Variants in SLC75A1 observed in about 807,000 individuals in gnomAD.
SLC75A1 encodes major facilitator superfamily domain containing 10.
At chr4:2,931,586 T>TA in the SLC75A1 span, 1 of 1,613,054 alleles carries the variant, frequency 6.2e-7, no homozygotes, top group Non-Finnish European at 8.5e-7. Context: ...CCCGCCAGGG[T>TA]GGATCCGCCG....
At chr4:2,932,624 C>A in the SLC75A1 span, 19 of 1,612,986 alleles carry the variant, frequency 1.2e-5, no homozygotes, top group Non-Finnish European at 1.4e-5. Flanking sequence ...GGGCCAGAGG[C>A]GAGCCCAGGT....
At chr4:2,931,140 C>A in the SLC75A1 span, 1 of 1,566,058 alleles carries the variant, frequency 6.4e-7, no homozygotes, top group Non-Finnish European at 8.7e-7. Flanking sequence ...TGCCCTTCTG[C>A]CCTGGTGAGC....
chr4:2,931,527 G>A, the SLC75A1 span: 3 of 1,602,778 alleles, frequency 1.9e-6, no homozygotes, highest in South Asian at 2.2e-5. Context: ...GGGACTGCCT[G>A]CCACCCGCTT....
At chr4:2,934,254 G>T in the SLC75A1 span, 1 of 326,872 alleles carries the variant, frequency 3.1e-6, no homozygotes. Flanking sequence ...GTAACAGCGA[G>T]AGAAAACTTG....
chr4:2,930,991 G>A, the SLC75A1 span: 1 of 1,612,572 alleles, frequency 6.2e-7, no homozygotes, highest in East Asian at 2.2e-5. Flanking sequence ...TCCCCGAGGG[G>A]GCTGGCACTT....
chr4:2,933,578 A>T, the SLC75A1 span: 2 of 1,613,802 alleles, frequency 1.2e-6, no homozygotes, highest in Non-Finnish European at 1.7e-6. Context: ...TCCGAACAGG[A>T]CACTGTTGTA....
the SLC75A1 span, chr4:2,933,193 T>G: frequency 9.9e-3 from 15,990 of 1,613,454 alleles, 186 homozygotes; most frequent in African/African-American, 0.049. Context: ...GGACAGAGAA[T>G]GCCGAGCCAA....
At chr4:2,931,556 C>G in the SLC75A1 span, 5 of 1,611,494 alleles carry the variant, frequency 3.1e-6, no homozygotes, top group East Asian at 2.2e-5. Context: ...GCCCCCTACC[C>G]GCTTCACGGC....
chr4:2,931,578 C>G, the SLC75A1 span: 55 of 1,612,844 alleles, frequency 3.4e-5, no homozygotes, highest in South Asian at 5.9e-4. Context: ...GCAACTTCCC[C>G]GCCAGGGTGG....
chr4:2,930,806 C>A, the SLC75A1 span: 1 of 1,609,956 alleles, frequency 6.2e-7, no homozygotes, highest in South Asian at 1.1e-5. Context: ...CCCACTCTGC[C>A]TGGTGCCCAC....
the SLC75A1 span, chr4:2,931,214 G>A: frequency 3.8e-6 from 6 of 1,562,570 alleles, no homozygotes; most frequent in Non-Finnish European, 5.2e-6. Flanking sequence ...TCGGCCGAGG[G>A]AAGGGGGCTC....
At chr4:2,931,401 C>A in the SLC75A1 span, 1 of 1,551,296 alleles carries the variant, frequency 6.4e-7, no homozygotes, top group Non-Finnish European at 8.7e-7. Context: ...CAGCCCCAGG[C>A]CCAGCACGGG....
the SLC75A1 span, chr4:2,932,539 C>T: frequency 6.2e-7 from 1 of 1,612,854 alleles, no homozygotes; most frequent in African/African-American, 1.3e-5. Context: ...CCGAGCTGCA[C>T]AGGGAGACCC....
chr4:2,931,291 A>AG, the SLC75A1 span: 1 of 1,551,000 alleles, frequency 6.4e-7, no homozygotes, highest in Admixed American at 2.0e-5. Context: ...GGAGACATCG[A>AG]GGAGGTGCCC....
chr4:2,931,604 G>A, the SLC75A1 span: 18 of 1,613,422 alleles, frequency 1.1e-5, no homozygotes, highest in Non-Finnish European at 1.5e-5. Flanking sequence ...CCGGGCATAG[G>A]CACCCTGGAT....
chr4:2,934,256 G>A, the SLC75A1 span: 2 of 324,280 alleles, frequency 6.2e-6, no homozygotes, highest in Admixed American at 4.4e-5. Flanking sequence ...AACAGCGAGA[G>A]AAAACTTGAA....
chr4:2,931,517 G>A, the SLC75A1 span: 1 of 1,598,138 alleles, frequency 6.3e-7, no homozygotes, highest in Non-Finnish European at 8.5e-7. Context: ...CAGGACTCAG[G>A]GGACTGCCTG....
At chr4:2,934,265 A>C in the SLC75A1 span, 1 of 298,314 alleles carries the variant, frequency 3.4e-6, no homozygotes, top group Non-Finnish European at 6.3e-6. Context: ...AGAAAACTTG[A>C]AGCCGCGGGG....
At chr4:2,931,913 C>T in the SLC75A1 span, 7 of 1,610,432 alleles carry the variant, frequency 4.3e-6, no homozygotes, top group Non-Finnish European at 5.9e-6. Context: ...TAGACTAGGC[C>T]CAGGCGGCGC....
Sources: allele counts gnomAD v4.1 joint callset, GRCh38; gene constraint gnomAD v4.1.1; transcripts MANE v1.5; gene names NCBI Gene and HGNC (gene_info 2026-07-23, HGNC 2026-07-21).